Variants in HTR1F observed in about 807,000 individuals in gnomAD.
HTR1F encodes 5-hydroxytryptamine receptor 1F, also known as 5-hydroxytryptamine (serotonin) receptor 1F, G protein-coupled.
HTR1F carries 17 observed loss-of-function variants against 24.0 expected under a neutral mutation model. The observed-to-expected ratio is 0.71, with a 90% CI of 0.48 to 1.06. The LOEUF is 1.06. Among genes scored for constraint, HTR1F ranks in the 50% least tolerant of loss-of-function variants. The pLI is 0.00. For synonymous variants in HTR1F, 186 were observed against 156.8 expected (o/e 1.19, Z -1.39); for missense variants, 391 against 427.8 (o/e 0.91, Z 0.76).
At position 87,990,754 on chromosome 3, in the gene HTR1F, A is replaced by G; in HGVS notation, c.5A>G (p.Asp2Gly). The G allele has an allele frequency of 6.2e-7, 1 of 1,606,050 alleles. No individual in the cohort carries two copies. The highest frequency in any genetic ancestry group is 2.2e-5 in the East Asian group (1 of 44,770). M[D>G]FLNSSDQNLT... Reference sequence around the variant, plus strand: ...TAATCTTTTAAAACAAAGAAAATGGATTTCTTAAATTCATCTGATCAAAAC... The same window carrying G: ...TAATCTTTTAAAACAAAGAAAATGGGTTTCTTAAATTCATCTGATCAAAAC... The change falls in exon 3 of 3, where the codon GAT becomes GGT. Residue 2 changes from aspartate to glycine, a missense_variant. Asp to Gly is a moderately conservative substitution (Grantham distance 94, BLOSUM62 -1). Transcript: ENST00000319595.
At chr3:87,856,339 A>T (rs1183110926) in intron 2 of HTR1F, among the ~76,000 whole-genome samples, 3 of 152,060 alleles carry the variant, frequency 2.0e-5, no homozygotes, top group African/African-American at 7.2e-5. Flanking sequence ...AATCAGAATA[A>T]AGTAACATTT....
At chr3:87,940,878 A>G (rs1018741808) in intron 2 of HTR1F, among the ~76,000 whole-genome samples, 1 of 152,188 alleles carries the variant, frequency 6.6e-6, no homozygotes, top group Non-Finnish European at 1.5e-5. Flanking sequence ...CATTCATATC[A>G]TGAGATGTCC....
intron 2 of HTR1F, among the ~76,000 whole-genome samples, chr3:87,961,083 A>G (rs1397763168): frequency 6.6e-6 from 1 of 152,006 alleles, no homozygotes; most frequent in South Asian, 2.1e-4. Flanking sequence ...GGGTTCCCCT[A>G]TGAGAGATGT....
At chr3:87,868,726 G>C (rs2107247340) in intron 2 of HTR1F, among the ~76,000 whole-genome samples, 1 of 151,920 alleles carries the variant, frequency 6.6e-6, no homozygotes, top group South Asian at 2.1e-4. Context: ...TGCAAACAAT[G>C]ATGTTTATTA....
At chr3:87,938,620 C>T (rs746151712) in intron 2 of HTR1F, among the ~76,000 whole-genome samples, 2 of 152,022 alleles carry the variant, frequency 1.3e-5, no homozygotes, top group Non-Finnish European at 2.9e-5. Flanking sequence ...AATAGAGAGC[C>T]TAGAAGTAAG....
intron 2 of HTR1F, among the ~76,000 whole-genome samples, chr3:87,824,307 C>T (rs1490747273): frequency 6.6e-6 from 1 of 152,102 alleles, no homozygotes; most frequent in Non-Finnish European, 1.5e-5. Flanking sequence ...TTGTCCAACC[C>T]ATCAGCAAGT....
intron 2 of HTR1F, among the ~76,000 whole-genome samples, chr3:87,864,513 C>G (rs1409679781): frequency 6.6e-6 from 1 of 152,158 alleles, no homozygotes; most frequent in South Asian, 2.1e-4. Context: ...ACTCTGTCCT[C>G]AGGTTCTTCA....
intron 1 of HTR1F, among the ~76,000 whole-genome samples, chr3:87,806,091 C>A (rs1704069473): frequency 6.6e-6 from 1 of 152,068 alleles, no homozygotes; most frequent in African/African-American, 2.4e-5. Context: ...GACATGATTT[C>A]ATTCTTTTTT....
Position 87,820,973 on chromosome 3 carries a change from T to G in HTR1F, c.-159-1035T>G, listed in dbSNP as rs529707585. 2.0e-5 allele frequency among the ~76,000 whole-genome samples: 3 copies of G among 152,278 alleles called. No homozygotes were observed. In the South Asian group the frequency reaches 6.2e-4, roughly 32 times the overall value. On this transcript the variant is annotated intron_variant, in intron 1 of 2. Coordinates refer to ENST00000319595, the MANE Select transcript of HTR1F (RefSeq NM_001322209.2). ...TATGTCAAATCAACTATCTTTCAAC[T>G]GAAGGTAATAATTGATTTTCTCACT...
At chr3:87,864,838 G>C (rs145491876) in intron 2 of HTR1F, among the ~76,000 whole-genome samples, 89 of 150,474 alleles carry the variant, frequency 5.9e-4, no homozygotes, top group African/African-American at 2.1e-3. Context: ...AAAGGTTGCA[G>C]TGAGCTGAGG....
intron 2 of HTR1F, among the ~76,000 whole-genome samples, chr3:87,964,575 T>C (rs954218270): frequency 6.6e-6 from 1 of 151,966 alleles, no homozygotes; most frequent in African/African-American, 2.4e-5. Flanking sequence ...TGCTATTGAG[T>C]AAATTAACTG....
At chr3:87,870,989 GA>G (rs35317346) in intron 2 of HTR1F, among the ~76,000 whole-genome samples, 17,127 of 135,034 alleles carry the variant, frequency 0.13, 1,241 homozygotes, top group African/African-American at 0.21. Context: ...CCAAATCTCA[GA>G]AAAAAAAAAA....
At chr3:87,818,084 C>T (rs1704284056) in intron 1 of HTR1F, among the ~76,000 whole-genome samples, 1 of 152,096 alleles carries the variant, frequency 6.6e-6, no homozygotes, top group Admixed American at 6.5e-5. Flanking sequence ...GGGGATTCTG[C>T]ACGTACTATT....
intron 2 of HTR1F, among the ~76,000 whole-genome samples, chr3:87,926,775 GA>G (rs945907454): frequency 6.6e-6 from 1 of 151,638 alleles, no homozygotes; most frequent in Admixed American, 6.6e-5. Flanking sequence ...TTTATAAAAT[GA>G]AAAAAAATTG....
In HTR1F at chr3:87,992,201, C is replaced by T. The variant is rs1285822120; in HGVS notation, c.*351C>T. On this transcript the variant is annotated 3_prime_UTR_variant, in exon 3 of 3. Coordinates refer to ENST00000319595, the MANE Select transcript of HTR1F (RefSeq NM_001322209.2). ...TTATAGAGGAGTTTTCAATTAACAACATACCTCCCTCCATAATTTCTATCT... is the reference window on the plus strand; with the variant it reads ...TTATAGAGGAGTTTTCAATTAACAATATACCTCCCTCCATAATTTCTATCT... 5.9e-6 allele frequency: 1 copy of T among 169,466 alleles called. No individual in the cohort carries two copies. Among genetic ancestry groups the T allele is most frequent in the African/African-American group, 2.4e-5 (1 of 41,532 alleles). 10.5% of individuals were successfully genotyped at this position (169,466 alleles called of 1,614,324 possible). A position where few individuals can be genotyped will look rare whatever the true frequency, so the allele number is the denominator to read the frequency against.
intron 1 of HTR1F, among the ~76,000 whole-genome samples, chr3:87,819,050 G>A (rs1456636001): frequency 1.3e-5 from 2 of 152,114 alleles, no homozygotes; most frequent in Admixed American, 6.6e-5. Flanking sequence ...GAACAACAGA[G>A]AAAGCTTACT....
intron 2 of HTR1F, among the ~76,000 whole-genome samples, chr3:87,880,180 A>G (rs1425172252): frequency 5.3e-5 from 8 of 152,192 alleles, no homozygotes; most frequent in Non-Finnish European, 1.2e-4. Flanking sequence ...GATAACGAGA[A>G]TGATGGACTG....
intron 2 of HTR1F, among the ~76,000 whole-genome samples, chr3:87,876,566 G>A (rs1020041987): frequency 1.3e-5 from 2 of 152,124 alleles, no homozygotes; most frequent in African/African-American, 2.4e-5. Flanking sequence ...AAAATGCTAA[G>A]TGAAATAAGC....
chr3:87,976,446 G>A (rs1303792966), intron 2 of HTR1F, among the ~76,000 whole-genome samples: 2 of 152,016 alleles, frequency 1.3e-5, no homozygotes, highest in African/African-American at 2.4e-5. Flanking sequence ...AGTTATTCAG[G>A]AGGCTGAGGA....
Sources: gnomAD v4.1 joint callset for allele counts (sites outside exome capture counted in the v4.1 genomes callset) on GRCh38, gnomAD v4.1.1 for gene constraint, MANE v1.5 for transcripts, NCBI Gene and HGNC (gene_info 2026-07-23, HGNC 2026-07-21) for gene names.